Variants in VPS8 observed in about 807,000 individuals in gnomAD.
VPS8 encodes the protein VPS8 subunit of CORVET complex.
Under a neutral mutation model 216.4 loss-of-function variants are expected in VPS8, and 129 were observed. The observed-to-expected ratio is 0.60, with a 90% CI of 0.52 to 0.69. The LOEUF is 0.69. Ranked by LOEUF, VPS8 falls within the 30% of genes least tolerant of loss-of-function variation. The pLI is 0.00. For missense variants in VPS8, 1,531 were observed against 1,683.5 expected (o/e 0.91, Z 1.59); for synonymous variants, 571 against 565.4 (o/e 1.01, Z -0.14).
intron 45 of VPS8, among the ~76,000 whole-genome samples, chr3:185,004,493 T>TGGGGAGAGGGAGACCGC (rs1318402803): frequency 6.3e-4 from 94 of 149,196 alleles, no homozygotes; most frequent in African/African-American, 2.0e-3. Flanking sequence ...AGGGAGACCG[T>TGGGGAGAGGGAGACCGC]GGGGAGAGGG....
In VPS8 at chr3:185,028,913, G is replaced by A. The variant is rs905665437; in HGVS notation, c.4056+4524G>A. ...GTTGTTGAATGAATGAGAGATGCACGAAAGAGATTTCACAGGACTTCCTGG... is the reference window on the plus strand; with the variant it reads ...GTTGTTGAATGAATGAGAGATGCACAAAAGAGATTTCACAGGACTTCCTGG... On this transcript the variant is annotated intron_variant, in intron 46 of 47. Transcript: ENST00000625842. Among the ~76,000 whole-genome samples, 5 of 152,300 alleles carry A rather than the reference G, an allele frequency of 3.3e-5. 1 individual carries two copies. In the Middle Eastern group the frequency reaches 0.01, roughly 311 times the overall value.
chr3:184,828,291 C>A (rs1165291825), intron 3 of VPS8, among the ~76,000 whole-genome samples: 13 of 152,112 alleles, frequency 8.5e-5, no homozygotes, highest in Admixed American at 7.2e-4. Flanking sequence ...AGGTGCCCAC[C>A]ACCACGCCCA....
chr3:184,822,921 C>T (rs902773956), intron 1 of VPS8, among the ~76,000 whole-genome samples: 4 of 152,134 alleles, frequency 2.6e-5, no homozygotes, highest in Non-Finnish European at 5.9e-5. Context: ...TATTAGGACA[C>T]AACCCTATAA....
At chr3:184,820,486 A>G (rs967368731) in intron 1 of VPS8, among the ~76,000 whole-genome samples, 1 of 152,156 alleles carries the variant, frequency 6.6e-6, no homozygotes, top group Admixed American at 6.5e-5. Flanking sequence ...TTAACCTGCA[A>G]AATCCCTTTT....
At chr3:184,863,199 C>T in intron 16 of VPS8, 132 bp downstream of exon 16, 1 of 1,108,436 alleles carries the variant, frequency 9.0e-7, no homozygotes, top group South Asian at 1.6e-5. Flanking sequence ...TTACAAGCCA[C>T]TAGGTTGAAG....
intron 20 of VPS8, among the ~76,000 whole-genome samples, chr3:184,870,254 T>G (rs1728093481): frequency 6.6e-6 from 1 of 152,230 alleles, no homozygotes; most frequent in Non-Finnish European, 1.5e-5. Flanking sequence ...GTTCCTACTC[T>G]AGACTGGGCT....
intron 22 of VPS8, among the ~76,000 whole-genome samples, chr3:184,891,050 T>G (rs1316738907): frequency 6.6e-6 from 1 of 152,192 alleles, no homozygotes; most frequent in Non-Finnish European, 1.5e-5. Context: ...ACCATAATTA[T>G]AATTTTGAAC....
At chr3:185,035,835 AAT>A (rs77947116) in intron 46 of VPS8, among the ~76,000 whole-genome samples, 1 of 152,190 alleles carries the variant, frequency 6.6e-6, no homozygotes, top group Non-Finnish European at 1.5e-5. Flanking sequence ...CTTCATTGAT[AAT>A]ATGATTCTAT....
chr3:184,983,175 T>C, intron 42 of VPS8, 81 bp downstream of exon 42: 1 of 1,225,886 alleles, frequency 8.2e-7, no homozygotes, highest in South Asian at 1.9e-5. Context: ...ATTGGGCTAA[T>C]ATTTAAATGG....
chr3:184,883,457 A>G (rs1248065201), intron 21 of VPS8, among the ~76,000 whole-genome samples: 2 of 152,132 alleles, frequency 1.3e-5, no homozygotes, highest in Non-Finnish European at 2.9e-5. Context: ...TTCTTATGTC[A>G]TCTTGTGACC....
chr3:184,895,593 T>C (rs1358308187), intron 23 of VPS8, among the ~76,000 whole-genome samples: 23 of 46,552 alleles, frequency 4.9e-4, no homozygotes, highest in South Asian at 1.2e-3. Context: ...CTCCTGCTCC[T>C]CCTCCTCCCC....
chr3:185,005,536 T>A (rs905392969), intron 45 of VPS8, among the ~76,000 whole-genome samples: 1 of 152,214 alleles, frequency 6.6e-6, no homozygotes, highest in Admixed American at 6.5e-5. Context: ...GTTTGTGTCA[T>A]CTGTGATTTC....
At chr3:185,003,902 G>C (rs1180294177) in intron 45 of VPS8, among the ~76,000 whole-genome samples, 1 of 148,236 alleles carries the variant, frequency 6.7e-6, no homozygotes, top group Non-Finnish European at 1.5e-5. Context: ...AGGCAGAGGC[G>C]CTCCTCACCT....
chr3:184,851,709 GGAA>G (rs1426519344), intron 10 of VPS8, among the ~76,000 whole-genome samples: 1 of 152,132 alleles, frequency 6.6e-6, no homozygotes, highest in Non-Finnish European at 1.5e-5. Flanking sequence ...TTTGGGTCAA[GGAA>G]GAAGAATTTT....
intron 37 of VPS8, among the ~76,000 whole-genome samples, chr3:184,957,949 C>G (rs1439744583): frequency 1.3e-5 from 2 of 152,200 alleles, no homozygotes; most frequent in African/African-American, 4.8e-5. Flanking sequence ...CAAGTGCTAT[C>G]TCCAGTAAAG....
At position 184,930,664 on chromosome 3, in the gene VPS8, G is replaced by T. The variant is rs1740518501; in HGVS notation, c.2898+96G>T. ...GAAGCAATGGCATGTATCATATTAA[G>T]TTGATTTAATTTAGGGTTGAAATCT... On this transcript the variant is annotated intron_variant, in intron 34 of 47. Transcript: ENST00000625842. 3.6e-6 allele frequency: 3 copies of T among 836,698 alleles called. No homozygotes were observed. The African/African-American group carries it at 5.0e-5, about 14-fold the overall frequency. 51.8% of individuals were successfully genotyped at this position (836,698 alleles called of 1,614,324 possible).
At chr3:185,026,313 A>G (rs946400187) in intron 46 of VPS8, among the ~76,000 whole-genome samples, 23 of 152,152 alleles carry the variant, frequency 1.5e-4, no homozygotes, top group African/African-American at 5.6e-4. Context: ...ATATGCAAAT[A>G]CCATGCATTT....
At chr3:184,938,278 C>G (rs933461950) in intron 35 of VPS8, among the ~76,000 whole-genome samples, 1 of 152,228 alleles carries the variant, frequency 6.6e-6, no homozygotes, top group Non-Finnish European at 1.5e-5. Context: ...AAGAAAAAGA[C>G]TCACCGATTA....
At chr3:184,980,712 T>G (rs1226374436) in intron 40 of VPS8, among the ~76,000 whole-genome samples, 1 of 152,212 alleles carries the variant, frequency 6.6e-6, no homozygotes, top group African/African-American at 2.4e-5. Flanking sequence ...ATCTTTCAGC[T>G]CTTGTATCAT....
Sources: allele counts gnomAD v4.1 joint callset (sites outside exome capture counted in the v4.1 genomes callset), GRCh38; gene constraint gnomAD v4.1.1; transcripts MANE v1.5; gene names NCBI Gene and HGNC (gene_info 2026-07-23, HGNC 2026-07-21).